Variants in RARB observed in about 807,000 individuals in gnomAD.
RARB encodes HBV-activated protein.
In RARB, 17 loss-of-function variants were observed where a neutral mutation model predicts 51.9. That is an observed-to-expected ratio of 0.33 (90% CI 0.22 to 0.49). The LOEUF is 0.49. RARB is among the 20% of genes least tolerant of loss of function. RARB has a pLI of 0.99. For synonymous variants in RARB, 215 were observed against 195.4 expected, an observed-to-expected ratio of 1.10 and a Z score of -0.84; for missense variants, 369 against 550.8, an observed-to-expected ratio of 0.67 and a Z score of 3.30.
chr3:25,293,234 A>C (rs1703832413), intron 5 of RARB, among the ~76,000 whole-genome samples: 1 of 152,138 alleles, frequency 6.6e-6, no homozygotes, highest in South Asian at 2.1e-4. Flanking sequence ...CTGAATTTTC[A>C]GTGTTCAAAT....
chr3:25,380,491 T>C (rs1383014983), intron 5 of RARB, among the ~76,000 whole-genome samples: 1 of 152,176 alleles, frequency 6.6e-6, no homozygotes, highest in African/African-American at 2.4e-5. Flanking sequence ...ACCCAGCCCT[T>C]GTCATAATGA....
intron 2 of RARB, among the ~76,000 whole-genome samples, chr3:25,031,515 G>T (rs181835835): frequency 6.6e-6 from 1 of 152,272 alleles, no homozygotes; most frequent in East Asian, 1.9e-4. Context: ...TTGCAGAGGT[G>T]GGTGGGTGGT....
At chr3:25,362,361 G>C (rs1705969452) in intron 5 of RARB, among the ~76,000 whole-genome samples, 1 of 152,120 alleles carries the variant, frequency 6.6e-6, no homozygotes, top group Non-Finnish European at 1.5e-5. Flanking sequence ...AAAGTCCCAG[G>C]TCAACTTCAG....
chr3:25,467,522 C>T (rs1193997833), intron 2 of RARB, among the ~76,000 whole-genome samples: 1 of 44,552 alleles, frequency 2.2e-5, no homozygotes, highest in African/African-American at 7.7e-5. Context: ...AGCAAGCCAA[C>T]GCCACTTATC....
At chr3:25,001,784 G>A (rs967766687) in intron 2 of RARB, among the ~76,000 whole-genome samples, 2 of 152,014 alleles carry the variant, frequency 1.3e-5, no homozygotes, top group Non-Finnish European at 2.9e-5. Context: ...TTTACTTACA[G>A]CACTTTGATC....
At chr3:25,007,306 A>C (rs979832775) in intron 2 of RARB, among the ~76,000 whole-genome samples, 1 of 152,138 alleles carries the variant, frequency 6.6e-6, no homozygotes, top group Non-Finnish European at 1.5e-5. Flanking sequence ...GTTATCCTAA[A>C]TGTAGAACTC....
intron 2 of RARB, among the ~76,000 whole-genome samples, chr3:24,905,916 C>G (rs542323131): frequency 1.6e-3 from 241 of 152,272 alleles, no homozygotes; most frequent in African/African-American, 5.5e-3. Flanking sequence ...GTAATTAAGA[C>G]TTGAGGTTTT....
intron 2 of RARB, among the ~76,000 whole-genome samples, chr3:24,888,355 G>T (rs1408654781): frequency 5.9e-5 from 9 of 152,024 alleles, no homozygotes; most frequent in African/African-American, 2.2e-4. Flanking sequence ...TTGTTACGTG[G>T]GTATTAATGG....
At chr3:24,967,747 G>C (rs1488841636) in intron 2 of RARB, among the ~76,000 whole-genome samples, 3 of 152,132 alleles carry the variant, frequency 2.0e-5, no homozygotes, top group Non-Finnish European at 4.4e-5. Context: ...TTGACCCAAA[G>C]GCATCCCACA....
chr3:25,374,037 A>G (rs1369161729), intron 5 of RARB, among the ~76,000 whole-genome samples: 9 of 152,200 alleles, frequency 5.9e-5, no homozygotes, highest in Admixed American at 3.3e-4. Flanking sequence ...CAATATTTCA[A>G]CCCACTGACA....
At chr3:25,432,489 A>G (rs1278624507) in intron 1 of RARB, among the ~76,000 whole-genome samples, 1 of 152,204 alleles carries the variant, frequency 6.6e-6, no homozygotes, top group Non-Finnish European at 1.5e-5. Flanking sequence ...AATGACCAGA[A>G]TGGCTATTTC....
chr3:25,539,838 A>G (rs1251468507), intron 3 of RARB, among the ~76,000 whole-genome samples: 2 of 152,084 alleles, frequency 1.3e-5, no homozygotes, highest in Non-Finnish European at 2.9e-5. Flanking sequence ...CTTAAACAAT[A>G]TTAGTTTGAA....
chr3:25,345,915 A>C, intron 5 of RARB: 1 of 882,900 alleles, frequency 1.1e-6, no homozygotes, highest in Non-Finnish European at 1.4e-6. Context: ...TTAAAAAAAG[A>C]GAGAAAAATG....
chr3:25,081,995 C>G (rs1376524915), intron 3 of RARB, among the ~76,000 whole-genome samples: 4 of 151,994 alleles, frequency 2.6e-5, no homozygotes, highest in African/African-American at 9.7e-5. Context: ...TTATATCTTC[C>G]TGATGAATTT....
intron 1 of RARB, among the ~76,000 whole-genome samples, chr3:24,857,000 G>T (rs576095590): frequency 7.9e-5 from 12 of 152,272 alleles, no homozygotes; most frequent in African/African-American, 2.6e-4. Flanking sequence ...TTATTGAGTT[G>T]CTAAGCTGCA....
chr3:25,063,353 T>C (rs374484843), intron 3 of RARB, among the ~76,000 whole-genome samples: 8 of 152,036 alleles, frequency 5.3e-5, no homozygotes, highest in Non-Finnish European at 1.0e-4. Flanking sequence ...CTGAGAGATA[T>C]CAGATTTGAG....
intron 5 of RARB, among the ~76,000 whole-genome samples, chr3:25,589,221 A>T (rs1353613894): frequency 6.6e-6 from 1 of 152,208 alleles, no homozygotes; most frequent in African/African-American, 2.4e-5. Flanking sequence ...AGGGAAAAGC[A>T]CTGAAGCCAG....
intron 1 of RARB, among the ~76,000 whole-genome samples, chr3:25,456,095 A>C (rs1487341946): frequency 6.6e-6 from 1 of 152,234 alleles, no homozygotes; most frequent in Non-Finnish European, 1.5e-5. Flanking sequence ...AGAGTTTTCA[A>C]GCAAAAATTT....
intron 2 of RARB, among the ~76,000 whole-genome samples, chr3:24,869,628 T>C (rs1702910277): frequency 6.6e-6 from 1 of 152,124 alleles, no homozygotes; most frequent in South Asian, 2.1e-4. Context: ...TTCTTTGGAA[T>C]TGTGATGTTT....
Sources: allele counts gnomAD v4.1 joint callset (sites outside exome capture counted in the v4.1 genomes callset), GRCh38; gene constraint gnomAD v4.1.1; transcripts MANE v1.5; gene names NCBI Gene and HGNC (gene_info 2026-07-23, HGNC 2026-07-21).